The following CCZ1B variants were observed in gnomAD, a reference collection of about 807,000 sequenced individuals.
The protein encoded by CCZ1B is CCZ1B vacuolar protein trafficking and biogenesis associated.
In CCZ1B, 25 loss-of-function variants were observed where a neutral mutation model predicts 58.8. The ratio of observed to expected loss-of-function variants is 0.43; its 90% CI spans 0.31 to 0.59. The LOEUF (loss-of-function observed/expected upper bound fraction) is 0.59, where lower values mean the gene tolerates loss of function less well. CCZ1B is among the 20% of genes least tolerant of loss of function. CCZ1B has a pLI of 0.12. For synonymous variants in CCZ1B, 66 were observed against 173.2 expected, an observed-to-expected ratio of 0.38 and a Z score of 4.86; for missense variants, 180 against 501.5, an observed-to-expected ratio of 0.36 and a Z score of 6.12.
intron 8 of CCZ1B, among the ~76,000 whole-genome samples, chr7:6,813,648 GA>G: frequency 6.7e-6 from 1 of 149,688 alleles, no homozygotes; most frequent in Middle Eastern, 3.4e-3. Flanking sequence ...GTTAAGCTCT[GA>G]AAATACTTTG....
intron 1 of CCZ1B, among the ~76,000 whole-genome samples, chr7:6,825,126 T>G (rs1279870912): frequency 2.0e-5 from 3 of 150,378 alleles, no homozygotes; most frequent in Admixed American, 2.0e-4. Context: ...TCTTTCCTAG[T>G]GCTAATTTGT....
intron 10 of CCZ1B, chr7:6,806,359 G>GAATCTTATTC: frequency 4.6e-6 from 1 of 218,884 alleles, no homozygotes. Context: ...ACGAAGACCA[G>GAATCTTATTC]AATCTTATTC....
chr7:6,816,841 C>T (rs1783009331), intron 7 of CCZ1B, among the ~76,000 whole-genome samples: 1 of 151,726 alleles, frequency 6.6e-6, no homozygotes, highest in African/African-American at 2.4e-5. Flanking sequence ...CAACCTCAAA[C>T]TTCCAGGCTC....
intron 7 of CCZ1B, among the ~76,000 whole-genome samples, chr7:6,818,073 G>T (rs1269713437): frequency 6.7e-6 from 1 of 149,576 alleles, no homozygotes; most frequent in Non-Finnish European, 1.5e-5. Flanking sequence ...TAAAGTTCAT[G>T]TGGAAACCCA....
rs1437897644 is a variant in CCZ1B at position 6,818,699 on chromosome 7, AAAGAAAGAAAGAC to A, written c.698+1054_698+1066del. Among the ~76,000 whole-genome samples, 68 of 135,546 alleles carry A rather than the reference AAAGAAAGAAAGAC, an allele frequency of 5.0e-4. 3 individuals are homozygous for A. Among genetic ancestry groups the A allele is most frequent in the South Asian group, 1.6e-3 (6 of 3,828 alleles). The allele number at this position is 135,546 out of a possible 152,430, so 88.9% of individuals were successfully genotyped here. A position where few individuals can be genotyped will look rare whatever the true frequency, so the allele number is the denominator to read the frequency against. On this transcript the variant is annotated intron_variant, in intron 7 of 14. Coordinates refer to ENST00000316731, the MANE Select transcript of CCZ1B (RefSeq NM_198097.5). ...AAAGAAAGAAAGAAAGAAAGACAAG[AAAGAAAGAAAGAC>A]AAGAAAGAAAGAAAGAAAGAAAGAA...
intron 10 of CCZ1B, among the ~76,000 whole-genome samples, chr7:6,809,665 C>T (rs1328027412): frequency 1.6e-5 from 2 of 121,604 alleles, no homozygotes; most frequent in Non-Finnish European, 3.3e-5. Context: ...GTATGCTCTG[C>T]CTGCAATCTC....
At chr7:6,817,097 T>C (rs1783015380) in intron 7 of CCZ1B, among the ~76,000 whole-genome samples, 1 of 152,304 alleles carries the variant, frequency 6.6e-6, no homozygotes, top group Admixed American at 6.5e-5. Flanking sequence ...TTATTTTTGT[T>C]GCTACTTCCT....
At position 6,814,785 on chromosome 7, in the gene CCZ1B, G is replaced by C. The variant is rs11538606; in HGVS notation, c.759C>G (p.Phe253Leu). ...ATACCTCAGGTTCGATGTGCCTTGG[G>C]AAAAGGGAGGTGGTAAGGTATTTGT... ...ILYKYLTTSL[F>L]PRHIEPELAG... Residue 253 changes from phenylalanine to leucine, a missense_variant, in exon 8 of 15, where the codon TTC (phenylalanine) becomes TTG (leucine). Phe to Leu is a conservative substitution (Grantham distance 22). Transcript: ENST00000316731. The C allele has an allele frequency of 6.8e-6, 11 of 1,606,996 alleles. No homozygotes were observed. Among genetic ancestry groups the C allele is most frequent in the African/African-American group, 2.8e-5 (2 of 71,488 alleles).
intron 7 of CCZ1B, among the ~76,000 whole-genome samples, chr7:6,816,443 T>TG (rs1394037426): frequency 1.3e-5 from 2 of 148,488 alleles, no homozygotes; most frequent in Non-Finnish European, 3.0e-5. Flanking sequence ...ATCACACCAC[T>TG]GCACTCTAGC....
In CCZ1B at chr7:6,812,840, C is replaced by T. The variant is rs1460700129; in HGVS notation, c.842+136G>A. 7.9e-6 allele frequency: 12 copies of T among 1,509,722 alleles called. No homozygotes were observed. In the East Asian group the frequency reaches 1.1e-4, roughly 14 times the overall value. The allele number at this position is 1,509,722 out of a possible 1,614,324, so 93.5% of individuals were successfully genotyped here. A position where few individuals can be genotyped will look rare whatever the true frequency, so the allele number is the denominator to read the frequency against. On this transcript the variant is annotated intron_variant, in intron 9 of 14. Coordinates refer to ENST00000316731, the MANE Select transcript of CCZ1B (RefSeq NM_198097.5). ...ACTTGGGAGGCTGAGGCATGAGAAT[C>T]ACTTGAGCCCGGGGAGGCAGAGGTT...
chr7:6,804,371 C>T (rs1782806363), intron 12 of CCZ1B, among the ~76,000 whole-genome samples: 1 of 126,990 alleles, frequency 7.9e-6, no homozygotes. Context: ...TGCAGTGAGC[C>T]AAGATCAAGC....
At chr7:6,825,141 C>T (rs1200726796) in intron 1 of CCZ1B, among the ~76,000 whole-genome samples, 2 of 150,138 alleles carry the variant, frequency 1.3e-5, no homozygotes, top group Admixed American at 6.6e-5. Flanking sequence ...ATTTGTAATA[C>T]ACCAATGCTT....
rs139010376 is a variant in CCZ1B, at chr7:6,819,113, A to G, written c.698+653T>C. On this transcript the variant is annotated intron_variant, in intron 7 of 14. Transcript: ENST00000316731. The stretch of plus-strand genomic sequence containing the variant: ...CAGCCTGGGCAACACAGTAAACCCC[A>G]TCTCTATAAGAAAAAAAAAAAAAAA... Among the ~76,000 whole-genome samples the G allele has an allele frequency of 1.2e-3, 130 of 111,588 alleles. 2 individuals carry two copies. The highest frequency in any genetic ancestry group is 2.0e-3 in the Admixed American group (17 of 8,450). 73.2% of individuals were successfully genotyped at this position (111,588 alleles called of 152,430 possible).
chr7:6,799,072 C>G lies in CCZ1B; in HGVS notation c.*152G>C, dbSNP rs1366048869. 2.0e-5 allele frequency: 10 copies of G among 501,934 alleles called. 3 individuals are homozygous for G. Among genetic ancestry groups the G allele is most frequent in the Non-Finnish European group, 3.0e-5 (10 of 332,432 alleles). The allele number at this position is 501,934 out of a possible 1,614,324, so 31.1% of individuals were successfully genotyped here. A position where few individuals can be genotyped will look rare whatever the true frequency, so the allele number is the denominator to read the frequency against. On this transcript the variant is annotated 3_prime_UTR_variant, in exon 15 of 15. Coordinates refer to ENST00000316731, the MANE Select transcript of CCZ1B (RefSeq NM_198097.5). ...ATAAATATTTAAAATCTAAAAACCT[C>G]AGATCAGCAGACCGAGTCGAAATCT...
At chr7:6,815,729 T>C (rs1202542611) in intron 7 of CCZ1B, among the ~76,000 whole-genome samples, 1 of 149,230 alleles carries the variant, frequency 6.7e-6, no homozygotes, top group East Asian at 1.9e-4. Context: ...AGGCTACTCC[T>C]ACAGTCCTGT....
At chr7:6,822,120 C>T (rs538347193) in intron 6 of CCZ1B, among the ~76,000 whole-genome samples, 161 bp downstream of exon 6, 3 of 149,764 alleles carry the variant, frequency 2.0e-5, no homozygotes, top group South Asian at 2.1e-4. Context: ...ACGCCTCATG[C>T]GTTTCCTCGC....
At position 6,802,015 on chromosome 7, in the gene CCZ1B, CTTA is replaced by C. The variant is rs1435839418; in HGVS notation, c.1107-495_1107-493del. The stretch of plus-strand genomic sequence containing the variant: ...CATATAGCCCGTGACATCTGAGATA[CTTA>C]TTATTGGGTCCTTTACCGTAAAAGT... On this transcript the variant is annotated intron_variant, in intron 12 of 14. Coordinates refer to ENST00000316731, the MANE Select transcript of CCZ1B (RefSeq NM_198097.5). Among the ~76,000 whole-genome samples, 3 of 109,992 alleles carry C rather than the reference CTTA, an allele frequency of 2.7e-5. 1 individual carries two copies. Among genetic ancestry groups the C allele is most frequent in the Non-Finnish European group, 1.9e-5 (1 of 53,512 alleles). 72.2% of individuals were successfully genotyped at this position (109,992 alleles called of 152,430 possible).
chr7:6,818,931 A>G (rs1434851931), intron 7 of CCZ1B, among the ~76,000 whole-genome samples: 4 of 148,154 alleles, frequency 2.7e-5, no homozygotes, highest in Non-Finnish European at 4.4e-5. Flanking sequence ...GTTTCACGAT[A>G]GCAGGTAATT....
chr7:6,821,974 G>A (rs1783118592), intron 6 of CCZ1B, among the ~76,000 whole-genome samples: 1 of 149,534 alleles, frequency 6.7e-6, no homozygotes, highest in Non-Finnish European at 1.5e-5. Context: ...AAAGATGGCT[G>A]CTGAGTAAGC....
Sources: gnomAD v4.1 joint callset for allele counts (sites outside exome capture counted in the v4.1 genomes callset) on GRCh38, gnomAD v4.1.1 for gene constraint, MANE v1.5 for transcripts, NCBI Gene and HGNC (gene_info 2026-07-23, HGNC 2026-07-21) for gene names.